Variants in GALNT13 observed in about 807,000 individuals in gnomAD.
GALNT13 encodes the protein polypeptide N-acetylgalactosaminyltransferase 13, also known as UDP-GalNAc:polypeptide N-acetylgalactosaminyltransferase 13.
Under a neutral mutation model 64.2 loss-of-function variants are expected in GALNT13, and 28 were observed. That is an observed-to-expected ratio of 0.44 (90% CI 0.32 to 0.60). The LOEUF (loss-of-function observed/expected upper bound fraction) is 0.60, where lower values mean the gene tolerates loss of function less well. GALNT13 is among the 20% of genes least tolerant of loss of function. GALNT13 has a pLI of 0.05. For synonymous variants in GALNT13, 214 were observed against 224.6 expected (o/e 0.95, Z 0.42); for missense variants, 577 against 669.8 (o/e 0.86, Z 1.53).
At chr2:154,420,483 G>A (rs114264375) in intron 11 of GALNT13, among the ~76,000 whole-genome samples, 314 of 152,012 alleles carry the variant, frequency 2.1e-3, no homozygotes, top group African/African-American at 6.8e-3. Context: ...TGCCTAATTC[G>A]TTTTGACTTG....
chr2:154,215,985 A>C (rs1688019462), intron 4 of GALNT13, among the ~76,000 whole-genome samples: 1 of 151,866 alleles, frequency 6.6e-6, no homozygotes, highest in African/African-American at 2.4e-5. Context: ...TATATGAAAA[A>C]AGATTATATT....
At chr2:153,577,650 A>G in the GALNT13 span, among the ~76,000 whole-genome samples, 1 of 151,926 alleles carries the variant, frequency 6.6e-6, no homozygotes, top group African/African-American at 2.4e-5. Context: ...TACAAAAGGT[A>G]CTCTTTAGTG....
At chr2:153,883,685 G>T (rs545818799) in intron 1 of GALNT13, among the ~76,000 whole-genome samples, 1 of 151,548 alleles carries the variant, frequency 6.6e-6, no homozygotes, top group East Asian at 1.9e-4. Flanking sequence ...GGGAGGATTT[G>T]GGACAAAAAG....
the GALNT13 span, among the ~76,000 whole-genome samples, chr2:153,700,729 T>A: frequency 2.0e-5 from 3 of 151,888 alleles, no homozygotes; most frequent in Admixed American, 6.6e-5. Flanking sequence ...TCATGAACGA[T>A]CCCCTATCCA....
chr2:153,860,844 T>C, the GALNT13 span, among the ~76,000 whole-genome samples: 1 of 152,194 alleles, frequency 6.6e-6, no homozygotes. Flanking sequence ...ATCGTGTGTA[T>C]GATACTCACA....
the GALNT13 span, among the ~76,000 whole-genome samples, chr2:153,635,603 A>G: frequency 6.6e-6 from 1 of 152,044 alleles, no homozygotes; most frequent in South Asian, 2.1e-4. Context: ...TTTATAGCCT[A>G]GGATGAATTC....
At chr2:154,349,839 A>G (rs1459451598) in intron 9 of GALNT13, among the ~76,000 whole-genome samples, 3 of 152,192 alleles carry the variant, frequency 2.0e-5, no homozygotes, top group Admixed American at 6.5e-5. Context: ...AAGTAACTCA[A>G]TGTTCTTGCA....
chr2:153,920,949 G>C (rs1415002711), intron 2 of GALNT13, among the ~76,000 whole-genome samples: 1 of 152,090 alleles, frequency 6.6e-6, no homozygotes, highest in Non-Finnish European at 1.5e-5. Flanking sequence ...CAGTCAGAAT[G>C]GCTATTATTA....
chr2:153,442,859 G>A, the GALNT13 span, among the ~76,000 whole-genome samples: 1 of 152,128 alleles, frequency 6.6e-6, no homozygotes, highest in African/African-American at 2.4e-5. Context: ...GGGGAAAACC[G>A]CCTACTCAAG....
chr2:154,049,362 A>C (rs1225235602), intron 3 of GALNT13, among the ~76,000 whole-genome samples: 2 of 148,604 alleles, frequency 1.3e-5, no homozygotes, highest in Non-Finnish European at 3.0e-5. Context: ...TATGATATAT[A>C]ATTTAAAGAA....
At chr2:154,228,168 C>T (rs1455747598) in intron 4 of GALNT13, among the ~76,000 whole-genome samples, 1 of 151,976 alleles carries the variant, frequency 6.6e-6, no homozygotes, top group African/African-American at 2.4e-5. Flanking sequence ...TTTTATATTT[C>T]ATTTTCCCAT....
At chr2:154,354,380 A>G (rs376783299) in intron 9 of GALNT13, among the ~76,000 whole-genome samples, 152 of 129,296 alleles carry the variant, frequency 1.2e-3, no homozygotes, top group African/African-American at 4.2e-3. Flanking sequence ...CCAGACAGAT[A>G]GATGCCTTTT....
At chr2:153,889,619 C>T (rs1452394005) in intron 1 of GALNT13, among the ~76,000 whole-genome samples, 1 of 151,940 alleles carries the variant, frequency 6.6e-6, no homozygotes, top group Non-Finnish European at 1.5e-5. Context: ...TTTATTTGGC[C>T]AGAGGCCTAC....
At chr2:153,673,683 C>A in the GALNT13 span, among the ~76,000 whole-genome samples, 18 of 152,292 alleles carry the variant, frequency 1.2e-4, no homozygotes, top group East Asian at 2.1e-3. Flanking sequence ...TCCTATTCAA[C>A]ATAGTGTTGG....
chr2:153,941,147 C>T (rs933064612), intron 2 of GALNT13, among the ~76,000 whole-genome samples: 2 of 152,084 alleles, frequency 1.3e-5, no homozygotes, highest in African/African-American at 4.8e-5. Context: ...AGGCACACGC[C>T]ACCTTGCCTG....
At chr2:154,380,659 A>G (rs1698223105) in intron 9 of GALNT13, among the ~76,000 whole-genome samples, 2 of 152,176 alleles carry the variant, frequency 1.3e-5, no homozygotes, top group South Asian at 2.1e-4. Flanking sequence ...GTCTATCAAT[A>G]TGTACAAATA....
At chr2:153,204,781 G>A in the GALNT13 span, among the ~76,000 whole-genome samples, 8 of 152,090 alleles carry the variant, frequency 5.3e-5, no homozygotes, top group African/African-American at 1.7e-4. Context: ...GGAATTTGAA[G>A]GAGATGAGTC....
intron 4 of GALNT13, among the ~76,000 whole-genome samples, chr2:154,215,358 C>T (rs1687986146): frequency 8.7e-6 from 1 of 115,558 alleles, no homozygotes; most frequent in Non-Finnish European, 1.8e-5. Flanking sequence ...GTTATCAAAC[C>T]CCTCTTGCTT....
intron 4 of GALNT13, among the ~76,000 whole-genome samples, chr2:154,189,788 T>C (rs993840201): frequency 2.0e-5 from 3 of 152,010 alleles, no homozygotes; most frequent in African/African-American, 7.2e-5. Context: ...CCTACTATGG[T>C]GGAGTAGGAT....
Sources: gnomAD v4.1 joint callset for allele counts (sites outside exome capture counted in the v4.1 genomes callset) on GRCh38, gnomAD v4.1.1 for gene constraint, MANE v1.5 for transcripts, NCBI Gene and HGNC (gene_info 2026-07-23, HGNC 2026-07-21) for gene names.